Variants in SPOCK1 observed in about 807,000 individuals in gnomAD.
The protein encoded by SPOCK1 is testican-1.
SPOCK1 carries 23 observed loss-of-function variants against 55.3 expected under a neutral mutation model. The observed-to-expected ratio is 0.42, with a 90% CI of 0.30 to 0.59. SPOCK1 has a LOEUF of 0.59. SPOCK1 is among the 20% of genes least tolerant of loss of function. The probability of loss-of-function intolerance (pLI) is 0.22; values close to 1 mark genes in which losing one functional copy is unlikely to be tolerated. For missense variants in SPOCK1, 499 were observed against 552.5 expected (o/e 0.90, Z 0.97); for synonymous variants, 226 against 221.0 (o/e 1.02, Z -0.20).
intron 6 of SPOCK1, among the ~76,000 whole-genome samples, chr5:137,012,123 A>G (rs1050599056): frequency 6.6e-6 from 1 of 152,142 alleles, no homozygotes; most frequent in African/African-American, 2.4e-5. Flanking sequence ...ATGTGATCTC[A>G]TTGACTCAGC....
intron 2 of SPOCK1, among the ~76,000 whole-genome samples, chr5:137,460,213 T>C (rs1232371923): frequency 6.6e-6 from 1 of 152,148 alleles, no homozygotes; most frequent in Non-Finnish European, 1.5e-5. Context: ...TGTAGGCCTG[T>C]GCTGGAGAAT....
chr5:137,336,354 T>G (rs1027013548), intron 2 of SPOCK1, among the ~76,000 whole-genome samples: 1 of 152,198 alleles, frequency 6.6e-6, no homozygotes, highest in African/African-American at 2.4e-5. Flanking sequence ...CCCTTTCAGA[T>G]CACAGCTGCT....
intron 3 of SPOCK1, among the ~76,000 whole-genome samples, chr5:137,231,084 C>T (rs937628660): frequency 2.0e-5 from 3 of 152,028 alleles, no homozygotes; most frequent in Non-Finnish European, 4.4e-5. Flanking sequence ...ACTCTTGTCC[C>T]CCAGGCTGGA....
rs17781762 is a variant in SPOCK1 at position 137,274,221 on chromosome 5, A to C, written c.187-7166T>G. ...AGACTCAAAACCATCCACAACCTTG[A>C]CTTTATTAGCAAAATTATCAAATTG... On this transcript the variant is annotated intron_variant, in intron 2 of 10. Coordinates refer to ENST00000394945, the MANE Select transcript of SPOCK1 (RefSeq NM_004598.4). 8.1e-3 allele frequency among the ~76,000 whole-genome samples: 1,236 copies of C among 152,326 alleles called. 9 individuals carry two copies. Among genetic ancestry groups the C allele is most frequent in the Non-Finnish European group, 0.011 (768 of 68,030 alleles).
At chr5:137,239,974 T>A (rs761548400) in intron 3 of SPOCK1, among the ~76,000 whole-genome samples, 1 of 152,204 alleles carries the variant, frequency 6.6e-6, no homozygotes, top group Non-Finnish European at 1.5e-5. Flanking sequence ...AAATACAAAA[T>A]TGACTTGCAA....
chr5:137,380,321 A>G (rs1751435609), intron 2 of SPOCK1, among the ~76,000 whole-genome samples: 1 of 152,232 alleles, frequency 6.6e-6, no homozygotes, highest in South Asian at 2.1e-4. Context: ...AGTCACCACA[A>G]TAGCTTCTGG....
chr5:137,099,094 T>A (rs1044226304), intron 5 of SPOCK1, among the ~76,000 whole-genome samples: 8 of 152,216 alleles, frequency 5.3e-5, no homozygotes, highest in African/African-American at 1.9e-4. Context: ...TGCCCACACC[T>A]TTTTTATCTT....
At position 137,081,214 on chromosome 5, in the gene SPOCK1, G is replaced by A. The variant is rs140974631; in HGVS notation, c.475-13385C>T. 3.6e-3 allele frequency among the ~76,000 whole-genome samples: 551 copies of A among 152,340 alleles called. 9 individuals are homozygous for A. In the South Asian group the frequency reaches 0.047, roughly 13 times the overall value. ...AGGCTCCTGAGCCTTAGTTTCTGAA[G>A]CAGTGACCTCTCTTAGACTCTCTGC... On this transcript the variant is annotated intron_variant, in intron 5 of 10. Coordinates refer to ENST00000394945, the MANE Select transcript of SPOCK1 (RefSeq NM_004598.4).
At chr5:137,213,706 C>A (rs1755660604) in intron 3 of SPOCK1, among the ~76,000 whole-genome samples, 1 of 152,180 alleles carries the variant, frequency 6.6e-6, no homozygotes, top group Admixed American at 6.5e-5. Flanking sequence ...AATAGGGGAA[C>A]AATACCTCCT....
intron 5 of SPOCK1, among the ~76,000 whole-genome samples, chr5:137,093,923 C>T (rs1249437797): frequency 6.6e-6 from 1 of 152,184 alleles, no homozygotes. Flanking sequence ...TTTCAATGAT[C>T]ACTCAGCTGC....
chr5:137,267,192 G>A, intron 2 of SPOCK1, 137 bp from the exon 3 acceptor site: 1 of 663,294 alleles, frequency 1.5e-6, no homozygotes, highest in Non-Finnish European at 2.6e-6. Flanking sequence ...TCCCAAAACA[G>A]GCATTAATGT....
chr5:137,295,318 A>G (rs987888598), intron 2 of SPOCK1, among the ~76,000 whole-genome samples: 9 of 152,178 alleles, frequency 5.9e-5, no homozygotes, highest in Admixed American at 2.0e-4. Context: ...GTGTTGCTCT[A>G]AATGTCACTG....
chr5:137,454,328 G>A (rs1753320298), intron 2 of SPOCK1, among the ~76,000 whole-genome samples: 1 of 152,092 alleles, frequency 6.6e-6, no homozygotes, highest in South Asian at 2.1e-4. Flanking sequence ...CAACTGCAAG[G>A]ATCTCCCCCA....
intron 2 of SPOCK1, among the ~76,000 whole-genome samples, chr5:137,288,332 C>T (rs1267692959): frequency 2.0e-5 from 3 of 152,206 alleles, no homozygotes; most frequent in Admixed American, 1.3e-4. Flanking sequence ...AGACTTAGAA[C>T]CCTTGGACAT....
chr5:137,048,969 C>T (rs1752151247), intron 6 of SPOCK1, among the ~76,000 whole-genome samples: 2 of 133,932 alleles, frequency 1.5e-5, no homozygotes, highest in Non-Finnish European at 1.6e-5. Flanking sequence ...AATATTGGCC[C>T]CCATTCTCTT....
intron 6 of SPOCK1, among the ~76,000 whole-genome samples, chr5:137,034,123 T>C: frequency 6.6e-6 from 1 of 152,188 alleles, no homozygotes; most frequent in East Asian, 1.9e-4. Flanking sequence ...TGGACTCCAA[T>C]AGCCATGTGC....
At chr5:137,435,889 T>C (rs1357099622) in intron 2 of SPOCK1, among the ~76,000 whole-genome samples, 2 of 152,106 alleles carry the variant, frequency 1.3e-5, no homozygotes, top group African/African-American at 4.8e-5. Flanking sequence ...GCGCGGTGGC[T>C]CACACCTGTA....
intron 3 of SPOCK1, among the ~76,000 whole-genome samples, chr5:137,215,969 T>A (rs1580811676): frequency 6.6e-6 from 1 of 152,186 alleles, no homozygotes; most frequent in Non-Finnish European, 1.5e-5. Flanking sequence ...TGCGGTTCAA[T>A]CCAGGTTCAA....
At chr5:137,077,967 G>C (rs1752804203) in intron 5 of SPOCK1, among the ~76,000 whole-genome samples, 2 of 152,016 alleles carry the variant, frequency 1.3e-5, no homozygotes, top group African/African-American at 2.4e-5. Flanking sequence ...AGAAGGAAAA[G>C]GGTAAGAAAG....
Sources: allele counts gnomAD v4.1 joint callset (sites outside exome capture counted in the v4.1 genomes callset), GRCh38; gene constraint gnomAD v4.1.1; transcripts MANE v1.5; gene names NCBI Gene and HGNC (gene_info 2026-07-23, HGNC 2026-07-21).